The following TRIM5 variants were observed in gnomAD, a reference collection of about 807,000 sequenced individuals.
The protein encoded by TRIM5 is tripartite motif containing 5, also known as tripartite motif-containing protein 5.
TRIM5 carries 31 observed loss-of-function variants against 35.6 expected under a neutral mutation model. The observed-to-expected ratio is 0.87, with a 90% CI of 0.65 to 1.18. The LOEUF is 1.18. Among genes scored for constraint, TRIM5 ranks in the 50% most tolerant of loss-of-function variants. The probability of loss-of-function intolerance (pLI) is 0.00; values close to 1 mark genes in which losing one functional copy is unlikely to be tolerated. For synonymous variants in TRIM5, 243 were observed against 215.6 expected, an observed-to-expected ratio of 1.13 and a Z score of -1.11; for missense variants, 609 against 591.6, an observed-to-expected ratio of 1.03 and a Z score of -0.31.
At chr11:5,605,350 C>G in the TRIM5 span, 4 of 1,613,934 alleles carry the variant, frequency 2.5e-6, no homozygotes, top group Non-Finnish European at 3.4e-6. Context: ...CAGATGGAGC[C>G]TGAGAGATGC....
Position 5,670,467 on chromosome 11 carries a change from C to T in TRIM5, c.745-2756G>A, listed in dbSNP as rs185964752. On this transcript the variant is annotated intron_variant, in intron 4 of 7. Transcript: ENST00000380034. ...TACAGGCATGAGCCACTGCGCCCAGCCCAGATGCCCATCTTAAAAGCACTA... is the reference window on the plus strand; with the variant it reads ...TACAGGCATGAGCCACTGCGCCCAGTCCAGATGCCCATCTTAAAAGCACTA... Among the ~76,000 whole-genome samples, 3 of 151,890 alleles carry T rather than the reference C, an allele frequency of 2.0e-5. No individual in the cohort carries two copies. In the East Asian group the frequency reaches 5.8e-4, roughly 30 times the overall value.
chr11:5,679,828 C>G lies in TRIM5; in HGVS notation c.350G>C (p.Cys117Ser), dbSNP rs369810019. ...ACCACGGTGCTCCTGAGACCGCTCA[C>G]AAAGCCAGCAAATGACCTTCCCGTC... ...QEDGKVICWL[C>S]ERSQEHRGHH... Residue 117 changes from cysteine to serine, a missense_variant, in exon 2 of 8, where the codon TGT becomes TCT. By Grantham distance (112) the Cys-to-Ser change is moderately radical (BLOSUM62 -1). Transcript: ENST00000380034. The G allele has an allele frequency of 1.8e-5, 29 of 1,613,242 alleles. No individual in the cohort carries two copies. The highest frequency in any genetic ancestry group is 2.4e-5 in the Non-Finnish European group (28 of 1,179,808).
At chr11:5,608,858 T>C in the TRIM5 span, among the ~76,000 whole-genome samples, 1 of 144,186 alleles carries the variant, frequency 6.9e-6, no homozygotes, top group Non-Finnish European at 1.5e-5. Flanking sequence ...TTTTTTTTTT[T>C]TTTTTTTTTT....
the TRIM5 span, chr11:5,643,533 T>C: frequency 6.2e-7 from 1 of 1,614,222 alleles, no homozygotes; most frequent in African/African-American, 1.3e-5. Context: ...TGTGCCTCCC[T>C]GCCGTGTTGG....
the TRIM5 span, among the ~76,000 whole-genome samples, chr11:5,600,524 C>G: frequency 2.6e-5 from 4 of 152,126 alleles, no homozygotes; most frequent in African/African-American, 9.7e-5. Flanking sequence ...CTTATGCTTA[C>G]ATCCCATGAC....
At chr11:5,615,780 A>T in the TRIM5 span, among the ~76,000 whole-genome samples, 1 of 149,818 alleles carries the variant, frequency 6.7e-6, no homozygotes, top group Non-Finnish European at 1.5e-5. Context: ...TTTAGTAGAG[A>T]CGGGGTTTCA....
chr11:5,649,402 G>A, the TRIM5 span, among the ~76,000 whole-genome samples: 1 of 152,180 alleles, frequency 6.6e-6, no homozygotes, highest in South Asian at 2.1e-4. Flanking sequence ...CTGAGTTGTT[G>A]TCTTTTTTTA....
At chr11:5,599,990 A>G in the TRIM5 span, among the ~76,000 whole-genome samples, 3 of 152,172 alleles carry the variant, frequency 2.0e-5, 1 homozygote, top group South Asian at 6.2e-4. Flanking sequence ...ATGGTAGGAG[A>G]TATTAACAAA....
At chr11:5,679,705 A>C (rs1852277597) in intron 2 of TRIM5, 56 bp downstream of exon 2, 1 of 1,508,124 alleles carries the variant, frequency 6.6e-7, no homozygotes, top group African/African-American at 1.4e-5. Context: ...GCAAAGTGAA[A>C]ATTTTCCATC....
the TRIM5 span, among the ~76,000 whole-genome samples, chr11:5,654,256 C>A: frequency 2.0e-5 from 3 of 152,056 alleles, no homozygotes; most frequent in African/African-American, 7.2e-5. Flanking sequence ...ACATTGATAT[C>A]TACACATCTG....
the TRIM5 span, chr11:5,604,694 G>A: frequency 5.2e-6 from 8 of 1,531,454 alleles, no homozygotes; most frequent in African/African-American, 5.5e-5. Context: ...GGAGCTGAGG[G>A]CAAAGGAGTC....
rs564949167 is a variant in TRIM5 at position 5,666,399 on chromosome 11, TAAAACAAAAC to T, written c.768-328_768-319del. The T allele has an allele frequency of 1.5e-5, 4 of 267,508 alleles. No individual in the cohort carries two copies. The South Asian group carries it at 1.7e-4, about 11-fold the overall frequency. 16.6% of individuals were successfully genotyped at this position (267,508 alleles called of 1,614,324 possible). A position where few individuals can be genotyped will look rare whatever the true frequency, so the allele number is the denominator to read the frequency against. On this transcript the variant is annotated intron_variant, in intron 5 of 7. Coordinates refer to ENST00000380034, the MANE Select transcript of TRIM5 (RefSeq NM_033034.3). ...GACATAAAAAAAAAAAAAAGGATTT[TAAAACAAAAC>T]AAAACAAAACTTTGGTGCCTTACAA...
chr11:5,659,229 G>C (rs935399405), downstream of TRIM5, among the ~76,000 whole-genome samples: 3 of 152,096 alleles, frequency 2.0e-5, no homozygotes, highest in Non-Finnish European at 4.4e-5. Flanking sequence ...TTGCTGTGGG[G>C]TTAGAGCCCC....
At chr11:5,598,943 C>T in the TRIM5 span, among the ~76,000 whole-genome samples, 1 of 152,144 alleles carries the variant, frequency 6.6e-6, no homozygotes, top group African/African-American at 2.4e-5. Context: ...CTTCAAATTT[C>T]CTTATGCCCT....
chr11:5,629,618 A>G, the TRIM5 span, among the ~76,000 whole-genome samples: 1 of 152,204 alleles, frequency 6.6e-6, no homozygotes. Context: ...ATTTGCACTC[A>G]TGCAGCTTAA....
At chr11:5,618,896 T>G in the TRIM5 span, among the ~76,000 whole-genome samples, 1 of 152,240 alleles carries the variant, frequency 6.6e-6, no homozygotes, top group Non-Finnish European at 1.5e-5. Context: ...GCTAAAACCG[T>G]GACTTATTTG....
At chr11:5,635,411 C>T in the TRIM5 span, among the ~76,000 whole-genome samples, 5 of 152,044 alleles carry the variant, frequency 3.3e-5, no homozygotes, top group South Asian at 2.1e-4. Flanking sequence ...CCCACCACCA[C>T]GTCTGGCTAA....
At chr11:5,611,064 C>T in the TRIM5 span, 5 of 1,614,154 alleles carry the variant, frequency 3.1e-6, no homozygotes, top group Admixed American at 6.7e-5. Context: ...CAGGTATCAG[C>T]CTCAGAGTGG....
At chr11:5,651,549 G>A in the TRIM5 span, among the ~76,000 whole-genome samples, 1 of 152,134 alleles carries the variant, frequency 6.6e-6, no homozygotes, top group South Asian at 2.1e-4. Context: ...ATCATTGATG[G>A]CCATTTAGGT....
Sources: gnomAD v4.1 joint callset for allele counts (sites outside exome capture counted in the v4.1 genomes callset) on GRCh38, gnomAD v4.1.1 for gene constraint, MANE v1.5 for transcripts, NCBI Gene and HGNC (gene_info 2026-07-23, HGNC 2026-07-21) for gene names.